Variants in PTPRD observed in about 807,000 individuals in gnomAD.
PTPRD encodes protein tyrosine phosphatase receptor type D.
Under a neutral mutation model 214.5 loss-of-function variants are expected in PTPRD, and 34 were observed. That is an observed-to-expected ratio of 0.16 (90% CI 0.12 to 0.21). The LOEUF is 0.21. Ranked by LOEUF, PTPRD falls within the 10% of genes least tolerant of loss-of-function variation. The probability of loss-of-function intolerance (pLI) is 1.00; values close to 1 mark genes in which losing one functional copy is unlikely to be tolerated. For missense variants in PTPRD, 2,545 were observed against 2,398.7 expected, an observed-to-expected ratio of 1.06 and a Z score of -1.27; for synonymous variants, 1,128 against 845.7, an observed-to-expected ratio of 1.33 and a Z score of -5.79.
chr9:10,105,944 T>C (rs918088208), intron 3 of PTPRD, among the ~76,000 whole-genome samples: 1 of 141,224 alleles, frequency 7.1e-6, no homozygotes, highest in Non-Finnish European at 1.5e-5. Flanking sequence ...GCAAGTCATA[T>C]GATCACCAAG....
At chr9:9,036,231 A>G (rs1283110766) in intron 10 of PTPRD, among the ~76,000 whole-genome samples, 1 of 151,138 alleles carries the variant, frequency 6.6e-6, no homozygotes, top group Non-Finnish European at 1.5e-5. Context: ...AAAACTTGGC[A>G]GGTTGTATGG....
At chr9:9,616,222 C>A (rs1011504902) in intron 7 of PTPRD, among the ~76,000 whole-genome samples, 4 of 152,054 alleles carry the variant, frequency 2.6e-5, no homozygotes, top group Non-Finnish European at 2.9e-5. Context: ...TGATGATTTT[C>A]TTTTTTATAA....
chr9:9,715,509 A>G (rs1392248735), intron 7 of PTPRD, among the ~76,000 whole-genome samples: 5 of 152,216 alleles, frequency 3.3e-5, no homozygotes, highest in Non-Finnish European at 7.3e-5. Context: ...AACAAAAAAA[A>G]TTAAGATGGA....
chr9:8,689,004 G>A lies in PTPRD; in HGVS notation c.64+44776C>T, dbSNP rs187831925. ...ATCAGGGCATGAGAAACTAATACAG[G>A]GGCAAAAAAGAGGCTCTTCAAAATT... On this transcript the variant is annotated intron_variant, in intron 12 of 45. Coordinates refer to ENST00000381196, the MANE Select transcript of PTPRD (RefSeq NM_002839.4). Among the ~76,000 whole-genome samples the A allele has an allele frequency of 1.8e-3, 281 of 152,016 alleles. 2 individuals are homozygous for A. Among genetic ancestry groups the A allele is most frequent in the Admixed American group, 0.014 (213 of 15,270 alleles).
At chr9:9,973,301 C>CA (rs747369676) in intron 4 of PTPRD, among the ~76,000 whole-genome samples, 12,196 of 74,032 alleles carry the variant, frequency 0.16, 845 homozygotes, top group African/African-American at 0.28. Flanking sequence ...CCTTGTCTTT[C>CA]AAAAAAAAAA....
intron 11 of PTPRD, among the ~76,000 whole-genome samples, chr9:9,007,967 C>G (rs551507356): frequency 7.3e-6 from 1 of 137,658 alleles, no homozygotes; most frequent in Admixed American, 7.7e-5. Flanking sequence ...TACGTGTGCA[C>G]AATGCGCAGG....
intron 6 of PTPRD, among the ~76,000 whole-genome samples, chr9:9,749,266 T>G (rs866543461): frequency 3.9e-5 from 6 of 152,304 alleles, no homozygotes; most frequent in African/African-American, 1.4e-4. Context: ...GGCATTTGGT[T>G]GTTCAGCTGC....
At chr9:8,584,966 T>A (rs887242054) in intron 14 of PTPRD, among the ~76,000 whole-genome samples, 1 of 152,174 alleles carries the variant, frequency 6.6e-6, no homozygotes, top group African/African-American at 2.4e-5. Flanking sequence ...TTCACTATCA[T>A]GAGAACAGCA....
intron 5 of PTPRD, among the ~76,000 whole-genome samples, chr9:9,771,392 T>C (rs1277761589): frequency 2.0e-5 from 3 of 152,192 alleles, no homozygotes; most frequent in Non-Finnish European, 4.4e-5. Flanking sequence ...TTTTATGTCA[T>C]TTGTGGTCAA....
intron 39 of PTPRD, among the ~76,000 whole-genome samples, chr9:8,352,421 T>C (rs1222507439): frequency 1.3e-5 from 2 of 152,166 alleles, no homozygotes; most frequent in South Asian, 4.1e-4. Context: ...AGATTTTCCT[T>C]GTAAACCATA....
At chr9:9,216,298 G>T (rs1286690488) in intron 9 of PTPRD, among the ~76,000 whole-genome samples, 2 of 152,118 alleles carry the variant, frequency 1.3e-5, no homozygotes, top group African/African-American at 2.4e-5. Context: ...ATGCTAGATA[G>T]TCACCAGCTC....
At chr9:9,698,172 G>A (rs889862727) in intron 7 of PTPRD, among the ~76,000 whole-genome samples, 2 of 152,114 alleles carry the variant, frequency 1.3e-5, no homozygotes, top group Admixed American at 1.3e-4. Context: ...ACTTCGGAAG[G>A]TCATAGTTCC....
At chr9:9,690,246 G>A (rs902441700) in intron 7 of PTPRD, among the ~76,000 whole-genome samples, 6 of 151,864 alleles carry the variant, frequency 4.0e-5, no homozygotes, top group Admixed American at 2.6e-4. Context: ...CAATGATGTT[G>A]ATCACCTTTT....
intron 9 of PTPRD, among the ~76,000 whole-genome samples, chr9:9,257,614 A>T (rs1488861553): frequency 1.3e-5 from 2 of 151,986 alleles, no homozygotes; most frequent in Non-Finnish European, 2.9e-5. Context: ...CAGCATAGTG[A>T]GACCCTGTCT....
intron 12 of PTPRD, among the ~76,000 whole-genome samples, chr9:8,684,532 G>C (rs930995295): frequency 1.3e-5 from 2 of 152,022 alleles, no homozygotes; most frequent in African/African-American, 4.8e-5. Flanking sequence ...TAAGGTCTCA[G>C]TTATAGTACT....
chr9:8,720,234 C>T (rs1434506670), intron 12 of PTPRD, among the ~76,000 whole-genome samples: 1 of 152,156 alleles, frequency 6.6e-6, no homozygotes, highest in East Asian at 1.9e-4. Flanking sequence ...CAGGTGTGGG[C>T]TGGCTGAGTA....
intron 9 of PTPRD, among the ~76,000 whole-genome samples, chr9:9,321,397 A>G (rs1267477012): frequency 6.6e-6 from 1 of 152,038 alleles, no homozygotes; most frequent in Non-Finnish European, 1.5e-5. Context: ...CTCTACCAGA[A>G]ATGCAAAATC....
At chr9:8,976,720 ATTTT>A (rs932623306) in intron 11 of PTPRD, among the ~76,000 whole-genome samples, 4 of 152,080 alleles carry the variant, frequency 2.6e-5, no homozygotes, top group Admixed American at 2.6e-4. Context: ...CTACAGTCTG[ATTTT>A]TAAGAGCCAA....
At chr9:8,687,084 A>T (rs1729665317) in intron 12 of PTPRD, among the ~76,000 whole-genome samples, 1 of 152,190 alleles carries the variant, frequency 6.6e-6, no homozygotes, top group Non-Finnish European at 1.5e-5. Context: ...GAGCCAAGAA[A>T]ATGCTGGATA....
Sources: allele counts gnomAD v4.1 joint callset (sites outside exome capture counted in the v4.1 genomes callset), GRCh38; gene constraint gnomAD v4.1.1; transcripts MANE v1.5; gene names NCBI Gene and HGNC (gene_info 2026-07-23, HGNC 2026-07-21).